ZNF362: variants seen among roughly 807,000 people sequenced by gnomAD.
ZNF362 encodes zinc finger protein 362, also known as rotund homolog.
Under a neutral mutation model 42.9 loss-of-function variants are expected in ZNF362, and 11 were observed. That is an observed-to-expected ratio of 0.26 (90% confidence interval 0.16 to 0.42). ZNF362 has a LOEUF of 0.42. ZNF362 is among the 20% of genes least tolerant of loss of function. The pLI is 1.00. For missense variants in ZNF362, 362 were observed against 576.2 expected, an observed-to-expected ratio of 0.63 and a Z score of 3.81; for synonymous variants, 255 against 257.3, an observed-to-expected ratio of 0.99 and a Z score of 0.09.
the ZNF362 span, among the ~76,000 whole-genome samples, chr1:33,250,516 T>C: frequency 3.3e-5 from 5 of 152,170 alleles, no homozygotes; most frequent in Non-Finnish European, 5.9e-5. Context: ...TGTTCTCACT[T>C]GTAAGTGGGA....
the ZNF362 span, among the ~76,000 whole-genome samples, chr1:33,135,045 G>A: frequency 6.6e-6 from 1 of 152,200 alleles, no homozygotes; most frequent in African/African-American, 2.4e-5. Context: ...CCAGCACTTT[G>A]GGAGCCGATG....
intron 2 of ZNF362, among the ~76,000 whole-genome samples, chr1:33,275,591 A>G (rs769032235): frequency 6.6e-6 from 1 of 152,228 alleles, no homozygotes; most frequent in African/African-American, 2.4e-5. Context: ...CAGAAAGGCT[A>G]TATCTGGTGA....
the ZNF362 span, among the ~76,000 whole-genome samples, chr1:33,167,249 C>T: frequency 5.9e-5 from 9 of 152,346 alleles, no homozygotes; most frequent in South Asian, 1.2e-3. This position sits in a 1 kb window ranked among gnomAD's most constrained non-coding sequence, Gnocchi z 4.2. Flanking sequence ...GTCTTCCTTG[C>T]GCCTTCTGCT....
At chr1:33,213,660 C>T in the ZNF362 span, among the ~76,000 whole-genome samples, 1 of 152,110 alleles carries the variant, frequency 6.6e-6, no homozygotes, top group Non-Finnish European at 1.5e-5. Flanking sequence ...TCCTGGCCAA[C>T]ATGGTGAAAC....
At chr1:33,252,110 T>A (rs890158843), upstream of ZNF362, among the ~76,000 whole-genome samples, 1 of 152,212 alleles carries the variant, frequency 6.6e-6, no homozygotes, top group Non-Finnish European at 1.5e-5. Context: ...CCCAGCACTT[T>A]GGGAGGCTGA....
the ZNF362 span, among the ~76,000 whole-genome samples, chr1:33,208,571 G>A: frequency 9.6e-3 from 1,465 of 152,244 alleles, 11 homozygotes; most frequent in Non-Finnish European, 0.014. Context: ...AGCATGGAAT[G>A]TTCTTCCATT....
intron 1 of ZNF362, among the ~76,000 whole-genome samples, chr1:33,267,300 G>A (rs138299777): frequency 7.2e-5 from 11 of 152,280 alleles, no homozygotes; most frequent in Non-Finnish European, 1.3e-4. Context: ...ACAGGGATAT[G>A]AAATAAGTAA....
intron 2 of ZNF362, among the ~76,000 whole-genome samples, chr1:33,275,819 G>T (rs1645940551): frequency 6.6e-6 from 1 of 152,160 alleles, no homozygotes; most frequent in Non-Finnish European, 1.5e-5. Flanking sequence ...TGGGGTGATA[G>T]GGGTGGGAGC....
chr1:33,189,862 A>G, the ZNF362 span, among the ~76,000 whole-genome samples: 2 of 151,536 alleles, frequency 1.3e-5, no homozygotes, highest in African/African-American at 2.4e-5. Context: ...TTAAGTATTC[A>G]GGGATGGGGA....
At chr1:33,277,633 G>A (rs72656299) in intron 4 of ZNF362, among the ~76,000 whole-genome samples, 206 of 152,298 alleles carry the variant, frequency 1.4e-3, no homozygotes, top group Non-Finnish European at 2.2e-3. Flanking sequence ...GTGGTAGTGG[G>A]AATGGAGAGA....
chr1:33,238,853 C>G, the ZNF362 span, among the ~76,000 whole-genome samples: 1 of 152,148 alleles, frequency 6.6e-6, no homozygotes, highest in South Asian at 2.1e-4. Context: ...GATGAAAAGC[C>G]CCCTCTGCAA....
intron 1 of ZNF362, among the ~76,000 whole-genome samples, chr1:33,260,788 G>A (rs114793138): frequency 0.011 from 1,748 of 152,084 alleles, 41 homozygotes; most frequent in African/African-American, 0.039. Context: ...CTCCCACCCC[G>A]GGAGACTCAG....
At chr1:33,192,809 A>G in the ZNF362 span, among the ~76,000 whole-genome samples, 2 of 152,130 alleles carry the variant, frequency 1.3e-5, no homozygotes, top group South Asian at 2.1e-4. Flanking sequence ...TAAAATGCAG[A>G]TTCCTGAGTA....
the ZNF362 span, among the ~76,000 whole-genome samples, chr1:33,248,736 G>A: frequency 2.0e-5 from 3 of 152,088 alleles, no homozygotes; most frequent in East Asian, 1.9e-4. Flanking sequence ...CCAACCTCAC[G>A]TTCAGTATGC....
the ZNF362 span, among the ~76,000 whole-genome samples, chr1:33,191,610 T>G: frequency 3.9e-5 from 6 of 152,198 alleles, no homozygotes; most frequent in African/African-American, 1.4e-4. Context: ...GTTCAAGTGA[T>G]TCTCCTGTCT....
At chr1:33,257,969 T>C (rs2148057038) in intron 1 of ZNF362, among the ~76,000 whole-genome samples, 1 of 152,090 alleles carries the variant, frequency 6.6e-6, no homozygotes, top group African/African-American at 2.4e-5. Context: ...CCCCCAGAGG[T>C]GGCAGCTGGT....
the ZNF362 span, among the ~76,000 whole-genome samples, chr1:33,247,829 G>A: frequency 6.6e-6 from 1 of 152,188 alleles, no homozygotes; most frequent in South Asian, 2.1e-4. Flanking sequence ...ATTTATGGAT[G>A]ATAGAGCCCT....
chr1:33,147,669 G>A, the ZNF362 span: 156 of 1,613,742 alleles, frequency 9.7e-5, no homozygotes, highest in Non-Finnish European at 1.2e-4. The surrounding 1 kb of genome is among the most constrained non-coding windows in gnomAD (Gnocchi z 8.1). Context: ...TGGTGCAGTC[G>A]TCCGACAGGA....
chr1:33,288,042 C>T (rs901954160), intron 6 of ZNF362, among the ~76,000 whole-genome samples: 1 of 152,166 alleles, frequency 6.6e-6, no homozygotes, highest in Non-Finnish European at 1.5e-5. Context: ...TACGTTTCCT[C>T]TGTTTTCATA....
Sources: gnomAD v4.1 joint callset for allele counts (sites outside exome capture counted in the v4.1 genomes callset) on GRCh38, gnomAD v4.1.1 for gene constraint, Gnocchi (gnomAD v3.1) non-coding constraint, MANE v1.5 for transcripts, NCBI Gene and HGNC (gene_info 2026-07-23, HGNC 2026-07-21) for gene names.